Variants in DUSP15 observed in about 807,000 individuals in gnomAD.
The protein encoded by DUSP15 is dual specificity phosphatase 15, also known as dual specificity protein phosphatase 15.
In DUSP15, 23 loss-of-function variants were observed where a neutral mutation model predicts 26.3. That is an observed-to-expected ratio of 0.87 (90% CI 0.63 to 1.24). The LOEUF (loss-of-function observed/expected upper bound fraction) is 1.24, where lower values mean the gene tolerates loss of function less well. Ranked by LOEUF, DUSP15 falls within the 50% of genes most tolerant of loss-of-function variation. The probability of loss-of-function intolerance (pLI) is 0.00; values close to 1 mark genes in which losing one functional copy is unlikely to be tolerated. For missense variants in DUSP15, 364 were observed against 320.6 expected (o/e 1.14, Z -1.03); for synonymous variants, 143 against 135.5 (o/e 1.06, Z -0.39).
chr20:31,861,774 G>A (rs983319085), intron 6 of DUSP15, 99 bp from the exon 7 acceptor site: 5 of 967,804 alleles, frequency 5.2e-6, no homozygotes, highest in Admixed American at 6.3e-5. Flanking sequence ...GCCCTTCTCC[G>A]AGCGTCCCAC....
downstream of DUSP15, among the ~76,000 whole-genome samples, chr20:31,857,062 G>C (rs2123220479): frequency 6.6e-6 from 1 of 152,222 alleles, no homozygotes; most frequent in Non-Finnish European, 1.5e-5. Flanking sequence ...AAGCCGGACT[G>C]GTCATGGGGG....
intron 3 of DUSP15, 81 bp downstream of exon 3, chr20:31,866,989 CA>C: frequency 7.6e-7 from 1 of 1,313,712 alleles, no homozygotes; most frequent in South Asian, 1.3e-5. Context: ...GGAAGCATAG[CA>C]CCTAGCACAT....
chr20:31,853,620 G>A (rs2062511036), intron 6 of DUSP15, among the ~76,000 whole-genome samples: 1 of 151,476 alleles, frequency 6.6e-6, no homozygotes, highest in Admixed American at 6.6e-5. Context: ...CCAGGAGGTC[G>A]AGGCTGCAGT....
intron 1 of DUSP15, 159 bp from the exon 2 acceptor site, chr20:31,869,756 G>A: frequency 6.8e-7 from 1 of 1,480,624 alleles, no homozygotes; most frequent in Middle Eastern, 2.4e-4. Context: ...TGAGTCCTCT[G>A]TGAGAGGGGT....
chr20:31,853,344 A>G (rs1401175717), intron 6 of DUSP15, among the ~76,000 whole-genome samples: 2 of 152,182 alleles, frequency 1.3e-5, no homozygotes, highest in African/African-American at 4.8e-5. Flanking sequence ...CTGCCGAGCC[A>G]TAGAATGAAA....
chr20:31,861,383 G>T lies in DUSP15; in HGVS notation c.*20C>A. ...GAAGGGAGCCAGTCGGAAGTGGGGAGCCACGGCTGGACTGCATCCTCACTT... is the reference window on the plus strand; with the variant it reads ...GAAGGGAGCCAGTCGGAAGTGGGGATCCACGGCTGGACTGCATCCTCACTT... On this transcript the variant is annotated 3_prime_UTR_variant, in exon 7 of 7. Coordinates refer to ENST00000339738, the MANE Select transcript of DUSP15 (RefSeq NM_080611.5). 6.6e-7 allele frequency: 1 copy of T among 1,522,668 alleles called. No homozygotes were observed. The allele number at this position is 1,522,668 out of a possible 1,614,324, so 94.3% of individuals were successfully genotyped here.
At chr20:31,846,127 GACACAGAC>G (rs1568646232), downstream of DUSP15, among the ~76,000 whole-genome samples, 9 of 141,820 alleles carry the variant, frequency 6.3e-5, no homozygotes, top group Admixed American at 1.4e-4. Flanking sequence ...GAGACACACA[GACACAGAC>G]ACACACACAG....
In DUSP15 at chr20:31,861,505, C is replaced by T. The variant is rs555017617; in HGVS notation, c.606G>A (p.Pro202=). The change falls in exon 7 of 7, where the codon CCG becomes CCA. Residue 202 remains proline, a synonymous_variant. Coordinates refer to ENST00000339738, the MANE Select transcript of DUSP15 (RefSeq NM_080611.5). ...ASEGTVQRLV[P]RTPREAHRPL... ...GCCGGTGGGCTTCCCGGGGCGTGCG[C>T]GGCACCAGGCGCTGCACGGTTCCCT... 5.0e-5 allele frequency: 76 copies of T among 1,528,116 alleles called. No individual in the cohort carries two copies. In the Admixed American group the frequency reaches 1.1e-3, roughly 22 times the overall value. The allele number at this position is 1,528,116 out of a possible 1,614,324, so 94.7% of individuals were successfully genotyped here. A position where few individuals can be genotyped will look rare whatever the true frequency, so the allele number is the denominator to read the frequency against.
exon 10 of DUSP15, chr20:31,848,240 C>G: frequency 1.5e-6 from 1 of 647,222 alleles, no homozygotes; most frequent in East Asian, 3.3e-5. Flanking sequence ...GGCGGTGTGG[C>G]CTACTCTCGA....
At chr20:31,849,575 G>A (rs754265391) in intron 8 of DUSP15, 3 of 1,201,398 alleles carry the variant, frequency 2.5e-6, no homozygotes, top group South Asian at 1.2e-5. Context: ...CAGGTGGCAG[G>A]TGCGCCTGCG....
chr20:31,870,579 T>C, upstream of DUSP15: 7 of 1,449,152 alleles, frequency 4.8e-6, no homozygotes, highest in East Asian at 2.8e-5. This position sits in a 1 kb window ranked among gnomAD's most constrained non-coding sequence, Gnocchi z 6.6. Flanking sequence ...CTCCTACCCC[T>C]TCGGTCATGT....
At chr20:31,856,209 G>A (rs1306238946), downstream of DUSP15, among the ~76,000 whole-genome samples, 4 of 152,188 alleles carry the variant, frequency 2.6e-5, no homozygotes, top group African/African-American at 2.4e-5. Flanking sequence ...AAGGTTTAAC[G>A]GTGATAAAGA....
Position 31,848,756 on chromosome 20 carries a change from G to A in DUSP15, c.726+50C>T, listed in dbSNP as rs187096344. On this transcript the variant is annotated intron_variant, in intron 9 of 9. Coordinates refer to the DUSP15 transcript ENST00000278979. ...GAGGGAGTGTGGGAAGGGCTGTCTGGAGGGGACTGGAGGGCGTGCTTCTTG... is the reference window on the plus strand; with the variant it reads ...GAGGGAGTGTGGGAAGGGCTGTCTGAAGGGGACTGGAGGGCGTGCTTCTTG... 6 of 1,562,362 alleles carry A rather than the reference G, an allele frequency of 3.8e-6. No homozygotes were observed. The East Asian group carries it at 1.4e-4, about 36-fold the overall frequency.
At chr20:31,857,525 G>C (rs867946747), downstream of DUSP15, among the ~76,000 whole-genome samples, 2 of 152,044 alleles carry the variant, frequency 1.3e-5, no homozygotes, top group Admixed American at 6.5e-5. Flanking sequence ...AACTCTTCAT[G>C]ATGGCCTCAA....
chr20:31,863,951 G>A lies in DUSP15; in HGVS notation c.219C>T (p.Phe73=). ...CCCCATTAAGGCGGCAGCAGTGGAT[G>A]AAGTTGATACATTCTTTGAAGTGCT... The part of the protein sequence containing the change: ...IKKHFKECIN[F]IHCCRLNGGN... The change falls in exon 5 of 7, where the codon TTC becomes TTT. Residue 73 remains phenylalanine, a synonymous_variant. Coordinates refer to ENST00000339738, the MANE Select transcript of DUSP15 (RefSeq NM_080611.5). The A allele has an allele frequency of 6.2e-7, 1 of 1,614,112 alleles. No individual in the cohort carries two copies. Among genetic ancestry groups the A allele is most frequent in the Non-Finnish European group, 8.5e-7 (1 of 1,180,008 alleles).
intron 2 of DUSP15, among the ~76,000 whole-genome samples, 172 bp downstream of exon 2, chr20:31,869,392 C>T (rs1223818163): frequency 6.6e-6 from 1 of 152,218 alleles, no homozygotes; most frequent in African/African-American, 2.4e-5. Context: ...TGGGGACACT[C>T]GCCTGCATGT....
chr20:31,850,834 C>A (rs2062456644), intron 6 of DUSP15, among the ~76,000 whole-genome samples: 1 of 152,144 alleles, frequency 6.6e-6, no homozygotes, highest in Non-Finnish European at 1.5e-5. Flanking sequence ...AGTAAGGAAC[C>A]CTGCTGGGCC....
chr20:31,864,278 A>C, intron 4 of DUSP15: 1 of 1,149,506 alleles, frequency 8.7e-7, no homozygotes, highest in Non-Finnish European at 1.1e-6. Context: ...GTGGCCTTTC[A>C]GAGAAATGGG....
intron 6 of DUSP15, among the ~76,000 whole-genome samples, chr20:31,855,968 G>A (rs1387073455): frequency 2.0e-5 from 3 of 152,152 alleles, no homozygotes; most frequent in African/African-American, 7.2e-5. Context: ...ATAGGTTTTG[G>A]GGAACAGGTG....
Sources: gnomAD v4.1 joint callset for allele counts (sites outside exome capture counted in the v4.1 genomes callset) on GRCh38, gnomAD v4.1.1 for gene constraint, Gnocchi (gnomAD v3.1) non-coding constraint, MANE v1.5 for transcripts, NCBI Gene and HGNC (gene_info 2026-07-23, HGNC 2026-07-21) for gene names.